SPMIP11: variants seen among roughly 807,000 people sequenced by gnomAD.
SPMIP11 encodes sperm microtubule inner protein 11.
the SPMIP11 span, among the ~76,000 whole-genome samples, chr12:48,749,557 C>A: frequency 7.0e-6 from 1 of 143,024 alleles, no homozygotes; most frequent in Non-Finnish European, 1.5e-5. Flanking sequence ...ATTGCTTGAA[C>A]CCAGGAGGCA....
chr12:48,769,699 G>GC, the SPMIP11 span, among the ~76,000 whole-genome samples: 1 of 148,564 alleles, frequency 6.7e-6, no homozygotes, highest in Admixed American at 6.8e-5. Flanking sequence ...AGATTCTCCT[G>GC]CCTCAGCCTC....
At chr12:48,727,895 A>G in the SPMIP11 span, among the ~76,000 whole-genome samples, 5,433 of 152,124 alleles carry the variant, frequency 0.036, 145 homozygotes, top group African/African-American at 0.072. Flanking sequence ...ATGAAAAGTT[A>G]CACAAATTAG....
the SPMIP11 span, among the ~76,000 whole-genome samples, chr12:48,762,349 C>T: frequency 2.8e-5 from 4 of 142,020 alleles, no homozygotes; most frequent in Admixed American, 7.1e-5. Flanking sequence ...TGAGCCACCC[C>T]GCCCAGCTTT....
the SPMIP11 span, among the ~76,000 whole-genome samples, chr12:48,733,438 G>T: frequency 4.6e-5 from 7 of 152,170 alleles, no homozygotes; most frequent in East Asian, 1.2e-3. Context: ...TCATGGTTTT[G>T]TCTTCCAAGG....
the SPMIP11 span, among the ~76,000 whole-genome samples, chr12:48,759,506 G>C: frequency 1.7e-3 from 254 of 152,228 alleles, 1 homozygote; most frequent in Admixed American, 2.6e-3. Flanking sequence ...GGCCAACATA[G>C]TGAAACCCCA....
chr12:48,761,612 T>TAA, the SPMIP11 span, among the ~76,000 whole-genome samples: 10 of 115,566 alleles, frequency 8.7e-5, no homozygotes, highest in East Asian at 4.8e-4. Flanking sequence ...ACCCTGTCTT[T>TAA]AAAAAAAAAA....
At chr12:48,751,475 G>A in the SPMIP11 span, among the ~76,000 whole-genome samples, 6 of 152,050 alleles carry the variant, frequency 3.9e-5, no homozygotes, top group East Asian at 1.9e-4. Context: ...GTGTATTGGC[G>A]CATGCCTGTA....
chr12:48,765,918 G>A, the SPMIP11 span: 2 of 452,784 alleles, frequency 4.4e-6, no homozygotes, highest in Non-Finnish European at 4.0e-6. Flanking sequence ...GGTCTGTGAG[G>A]GGCCAAGGCA....
At chr12:48,745,615 G>C in the SPMIP11 span, among the ~76,000 whole-genome samples, 2 of 152,180 alleles carry the variant, frequency 1.3e-5, no homozygotes, top group Non-Finnish European at 2.9e-5. Flanking sequence ...ATCAATTTCA[G>C]ATGAATTAGA....
chr12:48,753,686 T>C, the SPMIP11 span, among the ~76,000 whole-genome samples: 4 of 147,992 alleles, frequency 2.7e-5, no homozygotes, highest in African/African-American at 7.5e-5. Flanking sequence ...CTTTACTTTT[T>C]TTTTTCTTTT....
chr12:48,749,784 C>T, the SPMIP11 span, among the ~76,000 whole-genome samples: 12 of 150,450 alleles, frequency 8.0e-5, no homozygotes, highest in Non-Finnish European at 1.6e-4. Flanking sequence ...CTCTGCCTCC[C>T]GGGTTCATGC....
At chr12:48,744,202 C>T in the SPMIP11 span, among the ~76,000 whole-genome samples, 2 of 145,178 alleles carry the variant, frequency 1.4e-5, no homozygotes, top group South Asian at 2.2e-4. Context: ...GAGCCGAGAT[C>T]GTGCCATTGC....
At chr12:48,765,668 G>C in the SPMIP11 span, 1 of 702,910 alleles carries the variant, frequency 1.4e-6, no homozygotes, top group Non-Finnish European at 2.6e-6. Context: ...AGATATGGCT[G>C]CAGAAAGACA....
the SPMIP11 span, among the ~76,000 whole-genome samples, chr12:48,746,966 G>C: frequency 6.6e-6 from 1 of 151,878 alleles, no homozygotes; most frequent in Non-Finnish European, 1.5e-5. Context: ...CTAAACTGTG[G>C]CTGTAAATGA....
chr12:48,742,277 C>CTTTTTTTTTTTTTT, the SPMIP11 span, among the ~76,000 whole-genome samples: 3 of 87,222 alleles, frequency 3.4e-5, no homozygotes, highest in African/African-American at 4.6e-5. Context: ...CTTTTCTTTT[C>CTTTTTTTTTTTTTT]CTTTTTTTTT....
the SPMIP11 span, among the ~76,000 whole-genome samples, chr12:48,735,135 C>T: frequency 6.6e-6 from 1 of 152,008 alleles, no homozygotes; most frequent in Non-Finnish European, 1.5e-5. Flanking sequence ...GTCCTATAAC[C>T]ACCAGGAGCT....
chr12:48,761,277 T>C, the SPMIP11 span, among the ~76,000 whole-genome samples: 1 of 151,582 alleles, frequency 6.6e-6, no homozygotes. Context: ...CGAAACCCCA[T>C]CTCAACTAAA....
the SPMIP11 span, among the ~76,000 whole-genome samples, chr12:48,757,185 A>C: frequency 6.6e-6 from 1 of 152,084 alleles, no homozygotes; most frequent in Non-Finnish European, 1.5e-5. Context: ...AAGAGACAGA[A>C]ATCTTGAAGC....
chr12:48,737,807 G>A, the SPMIP11 span, among the ~76,000 whole-genome samples: 1 of 151,626 alleles, frequency 6.6e-6, no homozygotes, highest in South Asian at 2.1e-4. Context: ...CATTAATCTT[G>A]ATATTATTAT....
Sources: gnomAD v4.1 joint callset for allele counts (sites outside exome capture counted in the v4.1 genomes callset) on GRCh38, gnomAD v4.1.1 for gene constraint, MANE v1.5 for transcripts, NCBI Gene and HGNC (gene_info 2026-07-23, HGNC 2026-07-21) for gene names.